FER1L6: variants seen among roughly 807,000 people sequenced by gnomAD.
The protein encoded by FER1L6 is fer-1 like family member 6.
Under a neutral mutation model 219.2 loss-of-function variants are expected in FER1L6, and 177 were observed. That is an observed-to-expected ratio of 0.81 (90% CI 0.71 to 0.91). The LOEUF (loss-of-function observed/expected upper bound fraction) is 0.91. Among genes scored for constraint, FER1L6 ranks in the 40% least tolerant of loss-of-function variants. The probability of loss-of-function intolerance (pLI) is 0.00; values close to 1 mark genes in which losing one functional copy is unlikely to be tolerated. For missense variants in FER1L6, 2,153 were observed against 2,259.9 expected, an observed-to-expected ratio of 0.95 and a Z score of 0.96; for synonymous variants, 768 against 824.3, an observed-to-expected ratio of 0.93 and a Z score of 1.17.
intron 3 of FER1L6, among the ~76,000 whole-genome samples, chr8:123,964,629 T>G (rs900445030): frequency 6.6e-6 from 1 of 152,344 alleles, no homozygotes; most frequent in South Asian, 2.1e-4. Context: ...AAGATATTTC[T>G]TCCTATTCAT....
Position 123,986,140 on chromosome 8 carries a change from A to G in FER1L6, c.1483A>G (p.Ile495Val), listed in dbSNP as rs746793074. ...FFEATMIDRK[I>V]GDKPISFEVS... is the part of the protein sequence containing the mutation. ...TGAAGCTACCATGATTGACCGGAAG[A>G]TTGGAGATAAACCCATCAGCTTTGA... Residue 495 changes from isoleucine (I) to valine (V), a missense_variant, in exon 12 of 41, where the codon ATT (isoleucine) becomes GTT (valine). Ile to Val is a conservative substitution (Grantham distance 29, BLOSUM62 3). Transcript: ENST00000522917. 5 of 1,613,402 alleles carry G rather than the reference A, an allele frequency of 3.1e-6. No homozygotes were observed. In the South Asian group the frequency reaches 5.5e-5, roughly 18 times the overall value.
At position 123,980,614 on chromosome 8, in the gene FER1L6, A is replaced by G; in HGVS notation, c.1213A>G (p.Ile405Val). Residue 405 changes from isoleucine to valine, a missense_variant, in exon 11 of 41, where the codon ATC (isoleucine) becomes GTC (valine). Coordinates refer to ENST00000522917, the MANE Select transcript of FER1L6 (RefSeq NM_001039112.2). Reference sequence around the variant, plus strand: ...AATCTTGGTAGAAATTGCTGTGGAAATCCTCTCAGGACGGGCACAGGAATC... The same window carrying G: ...AATCTTGGTAGAAATTGCTGTGGAAGTCCTCTCAGGACGGGCACAGGAATC... The part of the protein sequence containing the change: ...GRILVEIAVE[I>V]LSGRAQESKF... 6.2e-7 allele frequency: 1 copy of G among 1,614,072 alleles called. No individual in the cohort carries two copies. The highest frequency in any genetic ancestry group is 8.5e-7 in the Non-Finnish European group (1 of 1,179,986).
chr8:124,048,401 T>G (rs968769589), intron 21 of FER1L6, among the ~76,000 whole-genome samples: 4 of 152,232 alleles, frequency 2.6e-5, no homozygotes, highest in Non-Finnish European at 4.4e-5. Flanking sequence ...GAGCTTGTAT[T>G]CTAGCAGTTC....
intron 1 of FER1L6, among the ~76,000 whole-genome samples, chr8:123,887,982 C>T (rs1474980350): frequency 1.3e-5 from 2 of 152,078 alleles, no homozygotes; most frequent in Non-Finnish European, 2.9e-5. Context: ...CTTGATGAAA[C>T]AAGTACCCTG....
intron 1 of FER1L6, among the ~76,000 whole-genome samples, chr8:123,888,954 T>G (rs1817253544): frequency 6.6e-6 from 1 of 152,216 alleles, no homozygotes; most frequent in African/African-American, 2.4e-5. Context: ...AAGTAAATCT[T>G]TACTAAACAA....
At chr8:124,067,340 A>G (rs2130854957) in intron 27 of FER1L6, among the ~76,000 whole-genome samples, 1 of 152,254 alleles carries the variant, frequency 6.6e-6, no homozygotes, top group East Asian at 1.9e-4. Context: ...TCCTGTGAGA[A>G]CTCAGCCCTT....
intron 12 of FER1L6, among the ~76,000 whole-genome samples, chr8:123,996,820 T>G (rs1195916957): frequency 6.6e-6 from 1 of 152,154 alleles, no homozygotes; most frequent in Non-Finnish European, 1.5e-5. Flanking sequence ...TCATAAGGCT[T>G]GAAATACGAT....
chr8:124,072,520 G>A (rs975814068), intron 31 of FER1L6, among the ~76,000 whole-genome samples: 4 of 152,078 alleles, frequency 2.6e-5, no homozygotes, highest in Non-Finnish European at 2.9e-5. Context: ...TATATCAACC[G>A]TTTGCTTCCA....
At chr8:123,905,016 G>A (rs1013903464) in intron 1 of FER1L6, among the ~76,000 whole-genome samples, 6 of 152,176 alleles carry the variant, frequency 3.9e-5, no homozygotes, top group Non-Finnish European at 7.3e-5. Flanking sequence ...CACCCCTGAA[G>A]ACATAGTTGG....
At chr8:123,907,180 A>G (rs1238314233) in intron 1 of FER1L6, among the ~76,000 whole-genome samples, 1 of 152,198 alleles carries the variant, frequency 6.6e-6, no homozygotes, top group Non-Finnish European at 1.5e-5. Context: ...TCTTGACAAG[A>G]TTATACACTT....
At chr8:124,094,781 C>A (rs927044953) in intron 34 of FER1L6, 115 bp from the exon 35 acceptor site, 2 of 1,211,054 alleles carry the variant, frequency 1.7e-6, no homozygotes, top group African/African-American at 1.5e-5. Context: ...ACCACTGCAC[C>A]CAGCCCCTTG....
intron 1 of FER1L6, among the ~76,000 whole-genome samples, chr8:123,869,538 T>A (rs1194644794): frequency 2.0e-5 from 3 of 152,162 alleles, no homozygotes; most frequent in Non-Finnish European, 4.4e-5. Flanking sequence ...GCTAAAGATA[T>A]GAAAGAATCT....
At chr8:124,063,002 T>C (rs931059661) in intron 25 of FER1L6, among the ~76,000 whole-genome samples, 2 of 152,234 alleles carry the variant, frequency 1.3e-5, no homozygotes, top group Non-Finnish European at 2.9e-5. Flanking sequence ...AGTTTTTTGC[T>C]ACCCTGTGGA....
intron 1 of FER1L6, among the ~76,000 whole-genome samples, chr8:123,904,963 C>T (rs140824297): frequency 3.5e-4 from 53 of 152,304 alleles, no homozygotes; most frequent in African/African-American, 1.2e-3. Context: ...TTGGCAAATG[C>T]TACAACTCAG....
At chr8:124,078,230 A>G (rs1163734702) in intron 32 of FER1L6, among the ~76,000 whole-genome samples, 1 of 152,116 alleles carries the variant, frequency 6.6e-6, no homozygotes, top group Non-Finnish European at 1.5e-5. Context: ...GATGAACAAA[A>G]TGCCAGTCAG....
At position 123,966,060 on chromosome 8, in the gene FER1L6, A is replaced by G; in HGVS notation, c.251A>G (p.Gln84Arg). ...HDGEVRSQNY[Q>R]IAITITEARQ... ...GGGGAGGTCAGATCCCAAAATTATC[A>G]AGTAAGTGATTGGCTCTTCCTGCCC... Residue 84 changes from glutamine to arginine, a missense_variant and splice_region_variant, in exon 4 of 41, where the codon CAA becomes CGA. Coordinates refer to ENST00000522917, the MANE Select transcript of FER1L6 (RefSeq NM_001039112.2). 2 of 1,613,746 alleles carry G rather than the reference A, an allele frequency of 1.2e-6. No individual in the cohort carries two copies. The highest frequency in any genetic ancestry group is 8.5e-7 in the Non-Finnish European group (1 of 1,179,814).
chr8:123,882,346 C>G (rs1028378477), intron 1 of FER1L6, among the ~76,000 whole-genome samples: 2 of 152,186 alleles, frequency 1.3e-5, no homozygotes, highest in Admixed American at 6.5e-5. Flanking sequence ...CCTGTCTTAG[C>G]AGCCCCTGCA....
chr8:124,053,113 C>T (rs907077847), intron 22 of FER1L6, among the ~76,000 whole-genome samples: 3 of 152,166 alleles, frequency 2.0e-5, no homozygotes, highest in Non-Finnish European at 4.4e-5. Flanking sequence ...CTTTTCACTA[C>T]ACAATGCTGT....
intron 5 of FER1L6, among the ~76,000 whole-genome samples, chr8:123,966,728 G>C (rs897455565): frequency 6.6e-6 from 1 of 152,168 alleles, no homozygotes; most frequent in African/African-American, 2.4e-5. Context: ...AAGCTGTGTA[G>C]AAATTGTAAA....
Sources: gnomAD v4.1 joint callset for allele counts (sites outside exome capture counted in the v4.1 genomes callset) on GRCh38, gnomAD v4.1.1 for gene constraint, MANE v1.5 for transcripts, NCBI Gene and HGNC (gene_info 2026-07-23, HGNC 2026-07-21) for gene names.